The following ADAR variants were observed in gnomAD, a reference collection of about 807,000 sequenced individuals.
ADAR encodes the protein adenosine deaminase RNA specific, also known as double-stranded RNA-specific adenosine deaminase.
In ADAR, 41 loss-of-function variants were observed where a neutral mutation model predicts 113.2. The observed-to-expected ratio is 0.36, with a 90% confidence interval of 0.28 to 0.47. ADAR has a LOEUF of 0.47. Among genes scored for constraint, ADAR ranks in the 20% least tolerant of loss-of-function variants. The probability of loss-of-function intolerance (pLI) is 1.00; values close to 1 mark genes in which losing one functional copy is unlikely to be tolerated. For missense variants in ADAR, 1,242 were observed against 1,540.9 expected, an observed-to-expected ratio of 0.81 and a Z score of 3.25; for synonymous variants, 605 against 572.6, an observed-to-expected ratio of 1.06 and a Z score of -0.81.
chr1:154,614,571 G>T (rs533637638), intron 1 of ADAR, among the ~76,000 whole-genome samples: 8 of 152,344 alleles, frequency 5.3e-5, no homozygotes, highest in Admixed American at 4.6e-4. Flanking sequence ...GTGTTTCTCA[G>T]GGAAATAGGC....
rs762839847 is a variant in ADAR, at chr1:154,589,370, T to C, written c.2761A>G (p.Arg921Gly). Residue 921 changes from arginine to glycine, a missense_variant and splice_region_variant, in exon 9 of 15, where the codon AGG becomes GGG. This residue lies in a region of ADAR where 780 missense variants were observed against 1,057.9 expected (regional missense o/e 0.74). Coordinates refer to ENST00000368474, the MANE Select transcript of ADAR (RefSeq NM_001111.5). Reference protein sequence around the residue: ...AEIISRRGFIRFLYSELMKYN... With the variant: ...AEIISRRGFIGFLYSELMKYN... ...GGCCACAGCTCTGACCTCGCTCACC[T>C]GATGAAGCCTCTCCGGGAGATTATT... The C allele has an allele frequency of 6.2e-7, 1 of 1,613,930 alleles. No homozygotes were observed. Among genetic ancestry groups the C allele is most frequent in the South Asian group, 1.1e-5 (1 of 91,084 alleles).
chr1:154,587,474 G>A (rs1016825001), intron 11 of ADAR, among the ~76,000 whole-genome samples: 4 of 152,092 alleles, frequency 2.6e-5, no homozygotes, highest in Admixed American at 6.5e-5. Context: ...ATTAGTTTCC[G>A]TGTGGACACA....
At chr1:154,613,522 T>G (rs1233648533) in intron 1 of ADAR, among the ~76,000 whole-genome samples, 2 of 151,794 alleles carry the variant, frequency 1.3e-5, no homozygotes, top group African/African-American at 4.8e-5. Flanking sequence ...TGATCTCAGG[T>G]GATCCGCCTG....
intron 1 of ADAR, among the ~76,000 whole-genome samples, chr1:154,617,870 A>C (rs750640325): frequency 5.3e-5 from 8 of 151,920 alleles, no homozygotes; most frequent in Non-Finnish European, 7.4e-5. Context: ...TGAAACAAAA[A>C]TAAGAGATAA....
Position 154,585,336 on chromosome 1 carries a change from T to G in ADAR, c.3324A>C (p.Arg1108Ser). 1 of 1,614,176 alleles carries G rather than the reference T, an allele frequency of 6.2e-7. No individual in the cohort carries two copies. The highest frequency in any genetic ancestry group is 1.1e-5 in the South Asian group (1 of 91,088). ...PFIVNHPKVG[R>S]VSIYDSKRQS... ...GCCTTTTGGAATCATATATGCTGAC[T>G]CTGCCAACCTAGGAATCCCAGAAGC... The change falls in exon 14 of 15, where the codon AGA becomes AGC. Residue 1108 changes from arginine (R) to serine (S), a missense_variant. By Grantham distance (110) the Arg-to-Ser change is moderately radical. Coordinates refer to ENST00000368474, the MANE Select transcript of ADAR (RefSeq NM_001111.5).
rs1285809364 is a variant in ADAR, at chr1:154,601,043, A to T, written c.1599T>A (p.Pro533=). 6.2e-7 allele frequency: 1 copy of T among 1,614,086 alleles called. No individual in the cohort carries two copies. The highest frequency in any genetic ancestry group is 8.5e-7 in the Non-Finnish European group (1 of 1,180,032). The change falls in exon 2 of 15, where the codon CCT becomes CCA. Residue 533 remains proline, a splice_region_variant and synonymous_variant. Transcript: ENST00000368474. The surrounding 1 kb of genome is among the most constrained non-coding windows in gnomAD (Gnocchi z 4.7). ...MIEQSGPPHE[P]RFKFQVVING... is the part of the protein sequence containing the mutation. The stretch of plus-strand genomic sequence containing the variant: ...ACAGTTCCTGGGTGGTCTCTTACCG[A>T]GGTTCATGGGGTGGTCCACTCTGCT...
intron 1 of ADAR, among the ~76,000 whole-genome samples, chr1:154,604,317 C>T (rs910293016): frequency 4.6e-5 from 7 of 152,330 alleles, no homozygotes; most frequent in South Asian, 2.1e-4. Context: ...ACCTGCTCCT[C>T]GCATGACCCC....
chr1:154,594,763 T>C (rs1400536758), intron 6 of ADAR, among the ~76,000 whole-genome samples: 1 of 152,218 alleles, frequency 6.6e-6, no homozygotes, highest in Non-Finnish European at 1.5e-5. Flanking sequence ...TAAGTCCCTA[T>C]TAAATGTTTA....
Position 154,584,750 on chromosome 1 carries a change from C to G in ADAR, c.*56G>C. The G allele has an allele frequency of 1.4e-6, 2 of 1,427,144 alleles. No homozygotes were observed. Among genetic ancestry groups the G allele is most frequent in the Non-Finnish European group, 2.0e-6 (2 of 1,012,274 alleles). The allele number at this position is 1,427,144 out of a possible 1,614,324, so 88.4% of individuals were successfully genotyped here. On this transcript the variant is annotated 3_prime_UTR_variant, in exon 15 of 15. Coordinates refer to ENST00000368474, the MANE Select transcript of ADAR (RefSeq NM_001111.5). ...ACCATGTGATGAGGAATGCTACGAC[C>G]TACCTCTCTCACACCCTAGTATGAC...
chr1:154,602,924 GA>G (rs764768192), intron 1 of ADAR, among the ~76,000 whole-genome samples: 7 of 152,288 alleles, frequency 4.6e-5, no homozygotes, highest in South Asian at 2.1e-4. Flanking sequence ...CCCTTTGACA[GA>G]ATTTAAGGGA....
intron 1 of ADAR, among the ~76,000 whole-genome samples, chr1:154,627,656 G>A (rs1698983827): frequency 6.6e-6 from 1 of 152,198 alleles, no homozygotes; most frequent in Non-Finnish European, 1.5e-5. Context: ...CGGCCCGGGC[G>A]TCCGCCTCCT....
Position 154,608,176 on chromosome 1 carries a change from G to C in ADAR, c.-170C>G. 1.3e-6 allele frequency: 1 copy of C among 777,368 alleles called. No homozygotes were observed. Among genetic ancestry groups the C allele is most frequent in the Non-Finnish European group, 1.9e-6 (1 of 524,246 alleles). The allele number at this position is 777,368 out of a possible 1,614,324, so 48.2% of individuals were successfully genotyped here. The stretch of plus-strand genomic sequence containing the variant: ...CGGGTCTGCGCGCCGGGCCCAAGAT[G>C]GCTCCGGTTCAATTTCGCTTTCGTT... On this transcript the variant is annotated 5_prime_UTR_variant, in exon 1 of 15. Transcript: ENST00000368474.
rs1366803812 is a variant in ADAR, at chr1:154,593,579, G to GCT, written c.2271-3171_2271-3170insAG. Among the ~76,000 whole-genome samples, 6 of 152,322 alleles carry GCT rather than the reference G, an allele frequency of 3.9e-5. No homozygotes were observed. In the South Asian group the frequency reaches 1.2e-3, roughly 32 times the overall value. ...AGGAAATGCACTGAACCTATCATCT[G>GCT]AAGGACTGTGCTTAAAGATAAGGAG... is the stretch of plus-strand genomic sequence containing the variant. On this transcript the variant is annotated intron_variant, in intron 6 of 14. Transcript: ENST00000368474.
At chr1:154,606,933 CT>C (rs1367739186) in intron 1 of ADAR, among the ~76,000 whole-genome samples, 1 of 21,072 alleles carries the variant, frequency 4.7e-5, no homozygotes, top group African/African-American at 1.7e-4. Flanking sequence ...CAAAGGAGTG[CT>C]TAAAAAAAAA....
intron 4 of ADAR, 31 bp downstream of exon 4, chr1:154,597,797 C>A: frequency 6.2e-7 from 1 of 1,613,856 alleles, no homozygotes. Context: ...CTGAGAAAAC[C>A]TCAGCTGGAC....
chr1:154,608,148 C>G lies in ADAR; in HGVS notation c.-142G>C. The G allele has an allele frequency of 9.2e-7, 1 of 1,089,862 alleles. No individual in the cohort carries two copies. The highest frequency in any genetic ancestry group is 1.2e-6 in the Non-Finnish European group (1 of 802,220). 67.5% of individuals were successfully genotyped at this position (1,089,862 alleles called of 1,614,324 possible). On this transcript the variant is annotated 5_prime_UTR_variant, in exon 1 of 15. Transcript: ENST00000368474. ...CCCCGGGGCGTCGGCACGGGAAACT[C>G]CGCGGGTCTGCGCGCCGGGCCCAAG...
chr1:154,615,608 C>A (rs78833223), intron 1 of ADAR, among the ~76,000 whole-genome samples: 9 of 151,792 alleles, frequency 5.9e-5, no homozygotes, highest in African/African-American at 2.2e-4. Flanking sequence ...GAAATAGGGC[C>A]GCACTATGTT....
chr1:154,603,160 ATCGT>A (rs1229062738), intron 1 of ADAR, among the ~76,000 whole-genome samples: 1 of 152,152 alleles, frequency 6.6e-6, no homozygotes, highest in African/African-American at 2.4e-5. Context: ...TCTAAGATCT[ATCGT>A]TTAGATGACT....
intron 11 of ADAR, among the ~76,000 whole-genome samples, chr1:154,586,601 G>T (rs1376326237): frequency 6.6e-6 from 1 of 152,224 alleles, no homozygotes; most frequent in East Asian, 1.9e-4. Flanking sequence ...TGAAAGGGAA[G>T]AGAATAGACA....
Sources: gnomAD v4.1 joint callset for allele counts (sites outside exome capture counted in the v4.1 genomes callset) on GRCh38, gnomAD v4.1.1 for gene constraint, gnomAD v4.1.1 regional missense constraint, Gnocchi (gnomAD v3.1) non-coding constraint, MANE v1.5 for transcripts, NCBI Gene and HGNC (gene_info 2026-07-23, HGNC 2026-07-21) for gene names.